Variants in SCEL observed in about 807,000 individuals in gnomAD.
The protein encoded by SCEL is sciellin.
Under a neutral mutation model 117.6 loss-of-function variants are expected in SCEL, and 113 were observed. The ratio of observed to expected loss-of-function variants is 0.96; its 90% CI spans 0.83 to 1.12. The LOEUF is 1.12. SCEL is among the 50% of genes most tolerant of loss of function. SCEL has a pLI of 0.00. For synonymous variants in SCEL, 270 were observed against 256.2 expected, an observed-to-expected ratio of 1.05 and a Z score of -0.51; for missense variants, 785 against 810.8, an observed-to-expected ratio of 0.97 and a Z score of 0.39.
chr13:77,608,227 A>T, intron 20 of SCEL, 112 bp downstream of exon 20: 2 of 699,290 alleles, frequency 2.9e-6, no homozygotes, highest in Non-Finnish European at 4.8e-6. Context: ...GCTGAACCCC[A>T]TTACTTACCA....
Position 77,616,424 on chromosome 13 carries a change from C to T in SCEL, c.1452-1175C>T, listed in dbSNP as rs1378873577. 2.0e-5 allele frequency among the ~76,000 whole-genome samples: 3 copies of T among 151,968 alleles called. No homozygotes were observed. The East Asian group carries it at 5.8e-4, about 29-fold the overall frequency. On this transcript the variant is annotated intron_variant, in intron 24 of 32. Transcript: ENST00000349847. ...CAGTTTAGTTTTATGACAGATTTTG[C>T]CATCAATTTACATAAGGAGATTATG...
At chr13:77,540,110 T>G (rs1241298440) in intron 1 of SCEL, among the ~76,000 whole-genome samples, 4 of 152,286 alleles carry the variant, frequency 2.6e-5, no homozygotes, top group Admixed American at 6.5e-5. Flanking sequence ...AGAAAGGGAT[T>G]TATTCTCCCA....
intron 1 of SCEL, among the ~76,000 whole-genome samples, chr13:77,548,647 TG>T (rs2084127537): frequency 6.6e-6 from 1 of 152,208 alleles, no homozygotes; most frequent in African/African-American, 2.4e-5. Flanking sequence ...AGGGACCTGG[TG>T]GGAGGTAATT....
At chr13:77,632,204 A>G (rs2090055401) in intron 28 of SCEL, among the ~76,000 whole-genome samples, 1 of 152,254 alleles carries the variant, frequency 6.6e-6, no homozygotes, top group Non-Finnish European at 1.5e-5. Context: ...ATCTCAGTCC[A>G]TAACAGTACT....
At chr13:77,551,788 C>G (rs1321477440) in intron 1 of SCEL, among the ~76,000 whole-genome samples, 1 of 151,654 alleles carries the variant, frequency 6.6e-6, no homozygotes, top group East Asian at 1.9e-4. Flanking sequence ...TGGTGTGCTG[C>G]ACCCATTAAC....
intron 20 of SCEL, 141 bp downstream of exon 20, chr13:77,608,256 A>C: frequency 1.7e-6 from 1 of 594,238 alleles, no homozygotes; most frequent in Non-Finnish European, 3.0e-6. Flanking sequence ...TCTTTGAACA[A>C]GTCCCTTGAA....
chr13:77,543,866 G>T (rs865784831), intron 1 of SCEL, among the ~76,000 whole-genome samples: 1 of 152,042 alleles, frequency 6.6e-6, no homozygotes, highest in South Asian at 2.1e-4. Flanking sequence ...GGTACTGTGC[G>T]TCAGGCTGAT....
chr13:77,563,187 C>A (rs564713608), intron 4 of SCEL, among the ~76,000 whole-genome samples: 1 of 151,846 alleles, frequency 6.6e-6, no homozygotes, highest in Non-Finnish European at 1.5e-5. Context: ...TCCTCTTCTT[C>A]TTCCTATCAC....
intron 1 of SCEL, among the ~76,000 whole-genome samples, chr13:77,541,259 G>T (rs2083686609): frequency 6.6e-6 from 1 of 152,112 alleles, no homozygotes; most frequent in Non-Finnish European, 1.5e-5. Flanking sequence ...GCCCTGTAAA[G>T]TGAAGAAAAA....
intron 9 of SCEL, among the ~76,000 whole-genome samples, chr13:77,578,991 G>T (rs2086113803): frequency 6.6e-6 from 1 of 152,126 alleles, no homozygotes; most frequent in African/African-American, 2.4e-5. Flanking sequence ...AATGAAAGTT[G>T]AACTTTGATG....
At chr13:77,637,389 T>TAAACATATATACATATAC (rs2090350260) in intron 30 of SCEL, among the ~76,000 whole-genome samples, 195 bp downstream of exon 30, 1 of 127,582 alleles carries the variant, frequency 7.8e-6, no homozygotes, top group African/African-American at 2.9e-5. Flanking sequence ...TATACATATA[T>TAAACATATATACATATAC]AAATATATAT....
intron 9 of SCEL, among the ~76,000 whole-genome samples, chr13:77,574,994 C>T (rs763599714): frequency 1.3e-5 from 2 of 152,178 alleles, no homozygotes; most frequent in Non-Finnish European, 2.9e-5. Context: ...CATTTTCTCT[C>T]ATACATCTTT....
chr13:77,630,569 T>C (rs139493977), intron 28 of SCEL, among the ~76,000 whole-genome samples: 93 of 152,322 alleles, frequency 6.1e-4, no homozygotes, highest in African/African-American at 2.1e-3. Flanking sequence ...AATTGCTGGA[T>C]TGTAGAGTAA....
intron 3 of SCEL, 92 bp from the exon 4 acceptor site, chr13:77,559,712 A>T (rs981012212): frequency 4.6e-6 from 5 of 1,078,476 alleles, no homozygotes; most frequent in East Asian, 2.4e-5. Flanking sequence ...CTTGCCAAAA[A>T]TTGGGAGCTC....
At chr13:77,552,555 T>C (rs2084397059) in intron 1 of SCEL, among the ~76,000 whole-genome samples, 1 of 152,130 alleles carries the variant, frequency 6.6e-6, no homozygotes, top group Admixed American at 6.5e-5. Flanking sequence ...TGTTTTTTCT[T>C]GTAAATTTGT....
chr13:77,545,112 C>G (rs1015872400), intron 1 of SCEL, among the ~76,000 whole-genome samples: 2 of 152,214 alleles, frequency 1.3e-5, no homozygotes, highest in African/African-American at 4.8e-5. Context: ...CATCTTTTGT[C>G]ATAATATTAC....
At chr13:77,602,773 T>G in intron 17 of SCEL, 60 bp downstream of exon 17, 1 of 1,410,602 alleles carries the variant, frequency 7.1e-7, no homozygotes, top group Non-Finnish European at 1.0e-6. Flanking sequence ...AATTATGTGA[T>G]ATTGAGGGCA....
intron 22 of SCEL, among the ~76,000 whole-genome samples, chr13:77,612,456 C>CTTTT (rs71102764): frequency 5.3e-5 from 5 of 93,594 alleles, no homozygotes; most frequent in East Asian, 4.0e-4. Context: ...TTTTTCTTTT[C>CTTTT]TTTTTTTTTT....
chr13:77,562,485 A>C (rs577377891), intron 4 of SCEL, among the ~76,000 whole-genome samples: 2 of 152,068 alleles, frequency 1.3e-5, no homozygotes, highest in Non-Finnish European at 2.9e-5. Context: ...GTTCACATCT[A>C]TTTCCCCTCC....
Sources: allele counts gnomAD v4.1 joint callset (sites outside exome capture counted in the v4.1 genomes callset), GRCh38; gene constraint gnomAD v4.1.1; transcripts MANE v1.5; gene names NCBI Gene and HGNC (gene_info 2026-07-23, HGNC 2026-07-21).